PHC1: variants seen among roughly 807,000 people sequenced by gnomAD.
PHC1 encodes polyhomeotic homolog 1.
Under a neutral mutation model 104.3 loss-of-function variants are expected in PHC1, and 12 were observed. The ratio of observed to expected loss-of-function variants is 0.12; its 90% CI spans 0.07 to 0.19. The LOEUF (loss-of-function observed/expected upper bound fraction) is 0.19, where lower values mean the gene tolerates loss of function less well. PHC1 is among the 10% of genes least tolerant of loss of function. The pLI, the probability that PHC1 is intolerant of heterozygous loss-of-function variation, is 1.00. For missense variants in PHC1, 671 were observed against 1,200.0 expected, an observed-to-expected ratio of 0.56 and a Z score of 6.51; for synonymous variants, 302 against 455.8, an observed-to-expected ratio of 0.66 and a Z score of 4.30.
intron 7 of PHC1, among the ~76,000 whole-genome samples, chr12:8,931,592 C>T (rs1462115832): frequency 6.6e-6 from 1 of 152,108 alleles, no homozygotes; most frequent in South Asian, 2.1e-4. Context: ...CCCAGCTGCT[C>T]GGGAGGCTGA....
chr12:8,917,481 T>G, intron 1 of PHC1, 149 bp from the exon 2 acceptor site: 1 of 417,172 alleles, frequency 2.4e-6, no homozygotes, highest in Non-Finnish European at 4.3e-6. Context: ...GTATTGAAGA[T>G]TTGGGAGTTT....
intron 12 of PHC1, 99 bp from the exon 13 acceptor site, chr12:8,937,077 A>T: frequency 3.4e-6 from 5 of 1,464,586 alleles, no homozygotes; most frequent in East Asian, 2.3e-5. Flanking sequence ...CCTTGCTTTT[A>T]TTCCCTTCCC....
chr12:8,918,168 TATTA>T (rs1233504697), intron 2 of PHC1, among the ~76,000 whole-genome samples: 1 of 152,242 alleles, frequency 6.6e-6, no homozygotes, highest in Admixed American at 6.5e-5. Flanking sequence ...TCCATGTTTT[TATTA>T]ATTCTGTTAG....
chr12:8,922,500 T>C (rs1945394407), intron 5 of PHC1, 133 bp from the exon 6 acceptor site: 1 of 690,898 alleles, frequency 1.4e-6, no homozygotes, highest in Non-Finnish European at 2.4e-6. Flanking sequence ...GGCTCCTGGG[T>C]TGGTGTGGAA....
chr12:8,936,897 G>GGT lies in PHC1; in HGVS notation c.2411_2412insTG (p.Lys805GlyfsTer18). The stretch of plus-strand genomic sequence containing the variant: ...GAATCTCCTGAAGTGCGAGTACTGT[G>GGT]GGAAGTACGCCCCCGCAGAGCAGTT... On this transcript the variant is annotated frameshift_variant, in exon 12 of 15. Coordinates refer to ENST00000544916, the MANE Select transcript of PHC1 (RefSeq NM_004426.3). LOFTEE classifies it high-confidence loss of function. 1 of 1,612,902 alleles carries GGT rather than the reference G, an allele frequency of 6.2e-7. No homozygotes were observed. Among genetic ancestry groups the GGT allele is most frequent in the Non-Finnish European group, 8.5e-7 (1 of 1,178,980 alleles).
chr12:8,920,082 T>C (rs1476974662), intron 3 of PHC1, among the ~76,000 whole-genome samples: 1 of 152,248 alleles, frequency 6.6e-6, no homozygotes, highest in African/African-American at 2.4e-5. Flanking sequence ...GGCTGTGTTA[T>C]AGACCTGCAT....
In PHC1 at chr12:8,922,650, A is replaced by G. The variant is rs1478448587; in HGVS notation, c.474A>G (p.Leu158=). Residue 158 remains leucine (L), a synonymous_variant, in exon 6 of 15, where the codon CTA becomes CTG. Coordinates refer to ENST00000544916, the MANE Select transcript of PHC1 (RefSeq NM_004426.3). The part of the protein sequence containing the change: ...QMYLRPQLGN[L]LQVNRTLGRN... ...CTTGCCAGCCACAGCTGGGAAACCT[A>G]TTGCAGGTAAACCGAACCCTGGGTC... The G allele has an allele frequency of 5.1e-6, 8 of 1,579,930 alleles. No individual in the cohort carries two copies. Among genetic ancestry groups the G allele is most frequent in the Admixed American group, 1.8e-5 (1 of 54,554 alleles).
In PHC1 at chr12:8,934,283, G is replaced by A. The variant is rs757491632; in HGVS notation, c.2058G>A (p.Val686=). The change falls in exon 10 of 15, where the codon GTG becomes GTA. Residue 686 remains valine, a synonymous_variant. Coordinates refer to ENST00000544916, the MANE Select transcript of PHC1 (RefSeq NM_004426.3). ...KSSLGEKAES[V]ANVNANTPSS... ...GTTTTCCAGAAAAAGCTGAATCAGT[G>A]GCTAATGTGAATGCTAATACTCCAA... 4.3e-6 allele frequency: 7 copies of A among 1,613,560 alleles called. No individual in the cohort carries two copies. In the South Asian group the frequency reaches 7.7e-5, roughly 18 times the overall value.
intron 1 of PHC1, chr12:8,916,016 C>T (rs1327346983): frequency 2.6e-5 from 4 of 154,382 alleles, no homozygotes; most frequent in Admixed American, 1.3e-4. Context: ...TGCCGTGCTG[C>T]CTCTAATCCT....
intron 12 of PHC1, 35 bp downstream of exon 12, chr12:8,936,999 T>C: frequency 6.8e-7 from 1 of 1,463,844 alleles, no homozygotes; most frequent in South Asian, 1.1e-5. Flanking sequence ...CCCTCAGCAC[T>C]GGTATCTCCA....
chr12:8,933,578 T>A, intron 8 of PHC1: 2 of 655,988 alleles, frequency 3.0e-6, no homozygotes, highest in Non-Finnish European at 5.0e-6. Flanking sequence ...ATAAGTTAGA[T>A]CAAGATAGCC....
chr12:8,932,414 G>A, intron 7 of PHC1, 149 bp from the exon 8 acceptor site: 1 of 745,540 alleles, frequency 1.3e-6, no homozygotes, highest in Non-Finnish European at 2.2e-6. Context: ...ACGAAGTGAT[G>A]TCCAAGTTTC....
chr12:8,932,299 A>C (rs1454709777), intron 7 of PHC1, among the ~76,000 whole-genome samples: 1 of 152,242 alleles, frequency 6.6e-6, no homozygotes, highest in Non-Finnish European at 1.5e-5. Flanking sequence ...TAAGAGACAC[A>C]AGAAATTACT....
intron 12 of PHC1, 104 bp downstream of exon 12, chr12:8,937,068 C>A (rs1945858839): frequency 1.4e-6 from 2 of 1,433,316 alleles, no homozygotes; most frequent in Admixed American, 3.4e-5. Flanking sequence ...TGTCTCCCTC[C>A]TTGCTTTTAT....
Position 8,922,670 on chromosome 12 carries a change from T to C in PHC1, c.494T>C (p.Leu165Pro), listed in dbSNP as rs1456152661. 1 of 1,597,286 alleles carries C rather than the reference T, an allele frequency of 6.3e-7. No individual in the cohort carries two copies. Among genetic ancestry groups the C allele is most frequent in the Non-Finnish European group, 8.5e-7 (1 of 1,171,792 alleles). The part of the protein sequence containing the change: ...LGNLLQVNRT[L>P]GRNVPLASQL... ...AACCTATTGCAGGTAAACCGAACCCTGGGTCGGAATGTGCCTCTAGCCTCC... is the reference window on the plus strand; with the variant it reads ...AACCTATTGCAGGTAAACCGAACCCCGGGTCGGAATGTGCCTCTAGCCTCC... Residue 165 changes from leucine (L) to proline (P), a missense_variant, in exon 6 of 15, where the codon CTG (leucine) becomes CCG (proline). Transcript: ENST00000544916.
rs1945343796 is a variant in PHC1, at chr12:8,920,920, T to C, written c.226-65T>C. ...ATGTTTTGTGCTTGTGATTTATTACTAGAAGACTGAGAGCTTTTTCCTTCA... is the reference window on the plus strand; with the variant it reads ...ATGTTTTGTGCTTGTGATTTATTACCAGAAGACTGAGAGCTTTTTCCTTCA... On this transcript the variant is annotated intron_variant, in intron 3 of 14. Coordinates refer to ENST00000544916, the MANE Select transcript of PHC1 (RefSeq NM_004426.3). 14 of 1,072,606 alleles carry C rather than the reference T, an allele frequency of 1.3e-5. No individual in the cohort carries two copies. The East Asian group carries it at 3.1e-4, about 24-fold the overall frequency. The allele number at this position is 1,072,606 out of a possible 1,614,324, so 66.4% of individuals were successfully genotyped here. A position where few individuals can be genotyped will look rare whatever the true frequency, so the allele number is the denominator to read the frequency against.
chr12:8,937,578 A>G lies in PHC1; in HGVS notation c.2629-251A>G, dbSNP rs1331757045. 2.6e-5 allele frequency among the ~76,000 whole-genome samples: 4 copies of G among 152,084 alleles called. No homozygotes were observed. In the East Asian group the frequency reaches 5.8e-4, roughly 22 times the overall value. On this transcript the variant is annotated intron_variant, in intron 13 of 14. Transcript: ENST00000544916. Reference sequence around the variant, plus strand: ...TGTTAATTGTACTCAATTGTACTCAATTTCTCTCAATTGTACTTGAGAGAA... The same window carrying G: ...TGTTAATTGTACTCAATTGTACTCAGTTTCTCTCAATTGTACTTGAGAGAA...
In PHC1 at chr12:8,935,120, A is replaced by G. The variant is rs377523596; in HGVS notation, c.2254-4A>G. 9.2e-6 allele frequency: 14 copies of G among 1,514,278 alleles called. No homozygotes were observed. Among genetic ancestry groups the G allele is most frequent in the South Asian group, 2.4e-5 (2 of 85,032 alleles). The allele number at this position is 1,514,278 out of a possible 1,614,324, so 93.8% of individuals were successfully genotyped here. ...AACTTAACTCTCAATGTTTTCTGGG[A>G]CAGGTGGGTTGTTCTCAGTTACTGA... On this transcript the variant is annotated splice_region_variant and splice_polypyrimidine_tract_variant and intron_variant, in intron 10 of 14. Transcript: ENST00000544916.
In PHC1 at chr12:8,932,503, G is replaced by A. The variant is rs887783; in HGVS notation, c.1106-60G>A. On this transcript the variant is annotated intron_variant, in intron 7 of 14. Coordinates refer to ENST00000544916, the MANE Select transcript of PHC1 (RefSeq NM_004426.3). ...GAAAAATGAATTTACTTTTAATTTA[G>A]AATGATTATTATTCTCTGCTCTTTT... The A allele has an allele frequency of 0.36, 560,293 of 1,544,256 alleles. 105,387 individuals are homozygous for A. The highest frequency in any genetic ancestry group is 0.41 in the Admixed American group (22,929 of 55,948).
Sources: gnomAD v4.1 joint callset for allele counts (sites outside exome capture counted in the v4.1 genomes callset) on GRCh38, gnomAD v4.1.1 for gene constraint, MANE v1.5 for transcripts, NCBI Gene and HGNC (gene_info 2026-07-23, HGNC 2026-07-21) for gene names.